Variants in SPTBN1 observed in about 807,000 individuals in gnomAD.
SPTBN1 encodes the protein spectrin beta chain, non-erythrocytic 1.
SPTBN1 carries 32 observed loss-of-function variants against 266.4 expected under a neutral mutation model. That is an observed-to-expected ratio of 0.12 (90% CI 0.09 to 0.16). The LOEUF (loss-of-function observed/expected upper bound fraction) is 0.16. Ranked by LOEUF, SPTBN1 falls within the 10% of genes least tolerant of loss-of-function variation. SPTBN1 has a pLI of 1.00. For synonymous variants in SPTBN1, 1,336 were observed against 1,162.2 expected (o/e 1.15, Z -3.04); for missense variants, 2,296 against 3,067.1 (o/e 0.75, Z 5.94).
chr2:54,593,966 T>G (rs1675866454), intron 2 of SPTBN1, among the ~76,000 whole-genome samples: 1 of 151,268 alleles, frequency 6.6e-6, no homozygotes, highest in Admixed American at 6.6e-5. Flanking sequence ...CCTGAGTAGC[T>G]GGGTTACAGG....
Position 54,628,484 on chromosome 2 carries a change from G to A in SPTBN1, c.1798+234G>A, listed in dbSNP as rs1390182551. ...CTGCCTTTGCTTTGAGTGGCTTGGTGTTTGGCAGTGAGACTTTGTCATACC... is the reference window on the plus strand; with the variant it reads ...CTGCCTTTGCTTTGAGTGGCTTGGTATTTGGCAGTGAGACTTTGTCATACC... On this transcript the variant is annotated intron_variant, in intron 13 of 35. Transcript: ENST00000356805. This position sits in a 1 kb window ranked among gnomAD's most constrained non-coding sequence, Gnocchi z 4.3. Among the ~76,000 whole-genome samples the A allele has an allele frequency of 6.6e-6, 1 of 152,164 alleles. No homozygotes were observed.
chr2:54,671,259 G>C lies in SPTBN1; in HGVS notation c.*2690G>C, dbSNP rs1681674135. The C allele has an allele frequency of 6.5e-6, 1 of 153,682 alleles. No homozygotes were observed. Among genetic ancestry groups the C allele is most frequent in the African/African-American group, 2.4e-5 (1 of 41,510 alleles). 9.5% of individuals were successfully genotyped at this position (153,682 alleles called of 1,614,324 possible). A position where few individuals can be genotyped will look rare whatever the true frequency, so the allele number is the denominator to read the frequency against. On this transcript the variant is annotated 3_prime_UTR_variant, in exon 36 of 36. Coordinates refer to ENST00000356805, the MANE Select transcript of SPTBN1 (RefSeq NM_003128.3). ...GGGTGTACCGAGAGTGCCAGTGACT[G>C]TGCTTCTTACAATTCCTGGCATCTT...
chr2:54,590,187 C>G (rs1199596004), intron 2 of SPTBN1, among the ~76,000 whole-genome samples: 1 of 152,190 alleles, frequency 6.6e-6, no homozygotes, highest in African/African-American at 2.4e-5. Flanking sequence ...GTCTGAATGA[C>G]AGCACCACAA....
At chr2:54,614,148 A>G (rs1677416791) in intron 4 of SPTBN1, among the ~76,000 whole-genome samples, 1 of 152,156 alleles carries the variant, frequency 6.6e-6, no homozygotes, top group African/African-American at 2.4e-5. Flanking sequence ...CGTGGCCTGC[A>G]GTGTTGTTGT....
intron 2 of SPTBN1, among the ~76,000 whole-genome samples, chr2:54,580,280 G>A (rs776293702): frequency 5.3e-5 from 8 of 152,166 alleles, no homozygotes; most frequent in East Asian, 1.9e-4. Context: ...TTGATGGTTC[G>A]TTGAGTGGTA....
At chr2:54,539,248 A>G (rs140179379) in intron 2 of SPTBN1, among the ~76,000 whole-genome samples, 2 of 152,324 alleles carry the variant, frequency 1.3e-5, no homozygotes, top group African/African-American at 4.8e-5. Flanking sequence ...TGCTTGTCAG[A>G]CTGAAGAACT....
At chr2:54,606,842 G>A (rs945729213) in intron 3 of SPTBN1, among the ~76,000 whole-genome samples, 1 of 152,196 alleles carries the variant, frequency 6.6e-6, no homozygotes, top group Non-Finnish European at 1.5e-5. Flanking sequence ...GGAGGCTGAC[G>A]GGTGTACCGT....
At chr2:54,456,773 C>T (rs1178639170) in intron 1 of SPTBN1, among the ~76,000 whole-genome samples, 1 of 150,786 alleles carries the variant, frequency 6.6e-6, no homozygotes, top group Admixed American at 6.6e-5. Flanking sequence ...GCAGGCTCTG[C>T]GGTGAGGCGG....
chr2:54,650,084 C>G lies in SPTBN1; in HGVS notation c.5577+95C>G. On this transcript the variant is annotated intron_variant, in intron 26 of 35. Transcript: ENST00000356805. Reference sequence around the variant, plus strand: ...AGTATCTCCCTGTTCCTTGGCTCTTCAAAAGAATTGCCCCAATTAAGCACA... The same window carrying G: ...AGTATCTCCCTGTTCCTTGGCTCTTGAAAAGAATTGCCCCAATTAAGCACA... 2.0e-6 allele frequency: 3 copies of G among 1,465,470 alleles called. No individual in the cohort carries two copies. In the South Asian group the frequency reaches 4.1e-5, roughly 20 times the overall value. The allele number at this position is 1,465,470 out of a possible 1,614,324, so 90.8% of individuals were successfully genotyped here.
rs70944167 is a variant in SPTBN1, at chr2:54,465,639, C to CATATATATATATATAT, written c.-48+9136_-48+9151dup. Among the ~76,000 whole-genome samples the CATATATATATATATAT allele has an allele frequency of 2.9e-3, 336 of 116,290 alleles. 1 individual carries two copies. Among genetic ancestry groups the CATATATATATATATAT allele is most frequent in the Middle Eastern group, 7.9e-3 (2 of 252 alleles). The allele number at this position is 116,290 out of a possible 152,430, so 76.3% of individuals were successfully genotyped here. A position where few individuals can be genotyped will look rare whatever the true frequency, so the allele number is the denominator to read the frequency against. On this transcript the variant is annotated intron_variant, in intron 1 of 35. Coordinates refer to ENST00000356805, the MANE Select transcript of SPTBN1 (RefSeq NM_003128.3). ...TGATGCATACATATCATGTTTATCT[C>CATATATATATATATAT]ATATATATATATATATATATATATA... is the stretch of plus-strand genomic sequence containing the variant.
chr2:54,653,445 G>T lies in SPTBN1; in HGVS notation c.5578-164G>T. 1 of 1,131,198 alleles carries T rather than the reference G, an allele frequency of 8.8e-7. No individual in the cohort carries two copies. The highest frequency in any genetic ancestry group is 1.2e-6 in the Non-Finnish European group (1 of 818,762). 70.1% of individuals were successfully genotyped at this position (1,131,198 alleles called of 1,614,324 possible). A position where few individuals can be genotyped will look rare whatever the true frequency, so the allele number is the denominator to read the frequency against. On this transcript the variant is annotated intron_variant, in intron 26 of 35. Coordinates refer to ENST00000356805, the MANE Select transcript of SPTBN1 (RefSeq NM_003128.3). The surrounding 1 kb of genome is among the most constrained non-coding windows in gnomAD (Gnocchi z 5.1). The stretch of plus-strand genomic sequence containing the variant: ...ACAGATTTATAGAAAACGGGTTTTT[G>T]TGACTTGGATCTCCCCAGTGAAATT...
chr2:54,532,905 T>G (rs1250128842), intron 2 of SPTBN1, among the ~76,000 whole-genome samples: 1 of 152,226 alleles, frequency 6.6e-6, no homozygotes, highest in Non-Finnish European at 1.5e-5. Context: ...TCTTTCCTTC[T>G]TAACTATTTC....
At chr2:54,637,677 C>CT in intron 17 of SPTBN1, 36 bp from the exon 18 acceptor site, 1 of 1,528,846 alleles carries the variant, frequency 6.5e-7, no homozygotes. Flanking sequence ...TCTCTACTTC[C>CT]TTTTTTAAAA....
intron 1 of SPTBN1, among the ~76,000 whole-genome samples, chr2:54,508,933 T>C (rs1426045684): frequency 3.3e-5 from 5 of 152,204 alleles, no homozygotes; most frequent in Admixed American, 1.3e-4. Flanking sequence ...TCTTTCTGCC[T>C]ATATAACAGC....
rs994655489 is a variant in SPTBN1 at position 54,533,927 on chromosome 2, C to T, written c.148+7361C>T. On this transcript the variant is annotated intron_variant, in intron 2 of 35. Transcript: ENST00000356805. The surrounding 1 kb of genome is among the most constrained non-coding windows in gnomAD (Gnocchi z 4.2). ...ACACACACACACACACACACACACA[C>T]GCACGCACGCACACAAACACACACA... Among the ~76,000 whole-genome samples, 8 of 149,958 alleles carry T rather than the reference C, an allele frequency of 5.3e-5. No homozygotes were observed. The highest frequency in any genetic ancestry group is 1.0e-4 in the Non-Finnish European group (7 of 67,688).
chr2:54,608,924 TAGAAAA>T (rs991856762), intron 3 of SPTBN1, among the ~76,000 whole-genome samples: 4 of 152,148 alleles, frequency 2.6e-5, no homozygotes, highest in Non-Finnish European at 4.4e-5. Flanking sequence ...AAGAAAATGT[TAGAAAA>T]GGAAGAGAAA....
In SPTBN1 at chr2:54,670,233, G is replaced by GT. The variant is rs1681643526; in HGVS notation, c.*1666dup. Reference sequence around the variant, plus strand: ...AAGAAAAAAAAAAAACAGGCAAGAGGTTAGGTTTGGCCCATGGGCCATAGT... The same window carrying GT: ...AAGAAAAAAAAAAAACAGGCAAGAGGTTTAGGTTTGGCCCATGGGCCATAGT... On this transcript the variant is annotated 3_prime_UTR_variant, in exon 36 of 36. Coordinates refer to ENST00000356805, the MANE Select transcript of SPTBN1 (RefSeq NM_003128.3). 1 of 154,206 alleles carries GT rather than the reference G, an allele frequency of 6.5e-6. No homozygotes were observed. Among genetic ancestry groups the GT allele is most frequent in the South Asian group, 2.1e-4 (1 of 4,852 alleles). 9.6% of individuals were successfully genotyped at this position (154,206 alleles called of 1,614,324 possible).
At chr2:54,474,079 G>T (rs1359155717) in intron 1 of SPTBN1, among the ~76,000 whole-genome samples, 1 of 152,198 alleles carries the variant, frequency 6.6e-6, no homozygotes. Context: ...CCACATGGAA[G>T]TTCATACCAC....
At chr2:54,603,803 G>A (rs1470809427) in intron 3 of SPTBN1, among the ~76,000 whole-genome samples, 2 of 152,192 alleles carry the variant, frequency 1.3e-5, no homozygotes, top group Admixed American at 6.5e-5. Context: ...GTTTGTGAAT[G>A]TGTATAGCAA....
Sources: gnomAD v4.1 joint callset for allele counts (sites outside exome capture counted in the v4.1 genomes callset) on GRCh38, gnomAD v4.1.1 for gene constraint, Gnocchi (gnomAD v3.1) non-coding constraint, MANE v1.5 for transcripts, NCBI Gene and HGNC (gene_info 2026-07-23, HGNC 2026-07-21) for gene names.